The following L3HYPDH variants were observed in gnomAD, a reference collection of about 807,000 sequenced individuals.
The protein encoded by L3HYPDH is trans-3-hydroxy-L-proline dehydratase.
In L3HYPDH, 32 loss-of-function variants were observed where a neutral mutation model predicts 26.5. The observed-to-expected ratio is 1.21, with a 90% CI of 0.91 to 1.62. L3HYPDH has a LOEUF of 1.62. Among genes scored for constraint, L3HYPDH ranks in the 40% most tolerant of loss-of-function variants. The pLI is 0.00. For synonymous variants in L3HYPDH, 215 were observed against 196.6 expected (o/e 1.09, Z -0.78); for missense variants, 554 against 476.4 (o/e 1.16, Z -1.52).
Position 59,484,168 on chromosome 14 carries a change from T to C in L3HYPDH, c.149A>G (p.Lys50Arg), listed in dbSNP as rs991055053. The C allele has an allele frequency of 9.4e-6, 15 of 1,600,172 alleles. No homozygotes were observed. The highest frequency in any genetic ancestry group is 8.9e-5 in the East Asian group (4 of 44,838). The change falls in exon 1 of 5, where the codon AAG becomes AGG. Residue 50 changes from lysine (K) to arginine (R), a missense_variant. Physicochemically the swap from Lys to Arg is conservative, Grantham distance 26. Coordinates refer to ENST00000247194, the MANE Select transcript of L3HYPDH (RefSeq NM_144581.2). ...AAGGTGCTGGCGCATGTAGCGCCGC[T>C]TGGCCAGCAGGGTGGGCCCAGACAC... The part of the protein sequence containing the change: ...PEVSGPTLLA[K>R]RRYMRQHLDH...
downstream of L3HYPDH, among the ~76,000 whole-genome samples, chr14:59,467,843 G>C (rs1889231958): frequency 6.6e-6 from 1 of 152,168 alleles, no homozygotes; most frequent in South Asian, 2.1e-4. Context: ...AAACTTAAGA[G>C]TTTTCCTTGA....
At chr14:59,469,876 G>T (rs1171600455), downstream of L3HYPDH, among the ~76,000 whole-genome samples, 1 of 152,160 alleles carries the variant, frequency 6.6e-6, no homozygotes, top group East Asian at 1.9e-4. Context: ...CTACAAGAGG[G>T]AAAACCATGG....
the L3HYPDH span, among the ~76,000 whole-genome samples, chr14:59,503,128 CT>C: frequency 0.39 from 59,072 of 151,656 alleles, 12,234 homozygotes; most frequent in African/African-American, 0.52. Context: ...TTCTCTGCCC[CT>C]GTGAATCTCC....
upstream of L3HYPDH, among the ~76,000 whole-genome samples, chr14:59,488,872 A>C (rs914059781): frequency 2.0e-5 from 3 of 152,314 alleles, no homozygotes; most frequent in Admixed American, 2.0e-4. Flanking sequence ...AAAGTTGAGT[A>C]CTAAAAACAA....
upstream of L3HYPDH, chr14:59,485,917 G>GT (rs1890532480): frequency 6.6e-6 from 1 of 150,402 alleles, no homozygotes; most frequent in African/African-American, 2.5e-5. Flanking sequence ...CACCGAGCCT[G>GT]TTTGTTTGTT....
intron 4 of L3HYPDH, among the ~76,000 whole-genome samples, chr14:59,473,543 G>C (rs1237770082): frequency 6.6e-6 from 1 of 152,136 alleles, no homozygotes; most frequent in African/African-American, 2.4e-5. Flanking sequence ...TAAACACAAT[G>C]GGGAGAGAAA....
upstream of L3HYPDH, chr14:59,484,531 C>G: frequency 6.4e-7 from 1 of 1,555,774 alleles, no homozygotes; most frequent in Non-Finnish European, 8.7e-7. Flanking sequence ...CCCGGATGTT[C>G]GGTGCAGCTG....
Position 59,476,157 on chromosome 14 carries a change from T to C in L3HYPDH, c.736A>G (p.Thr246Ala). ...TTGGTATAAGCATCTTTTCCATCTG[T>C]TAATATAGTTCCATATAAAAAGGCA... ...DLAFLYGTILTDGKDAYTKEP... is the reference protein window; with the variant it reads ...DLAFLYGTILADGKDAYTKEP... The change falls in exon 3 of 5, where the codon ACA becomes GCA. Residue 246 changes from threonine to alanine, a missense_variant. Physicochemically the swap from Thr to Ala is moderately conservative, Grantham distance 58. Transcript: ENST00000247194. 6.2e-7 allele frequency: 1 copy of C among 1,613,650 alleles called. No individual in the cohort carries two copies. Among genetic ancestry groups the C allele is most frequent in the Non-Finnish European group, 8.5e-7 (1 of 1,179,612 alleles).
Position 59,483,948 on chromosome 14 carries a change from C to T in L3HYPDH, c.369G>A (p.Ala123=). ...RFALDFGLVP[A]PPAGTREARV... ...GGGCCTCGCGGGTGCCCGCAGGGGG[C>T]GCCGGCACAAGCCCGAAGTCCAAAG... The change falls in exon 1 of 5, where the codon GCG becomes GCA. Residue 123 remains alanine, a synonymous_variant. Transcript: ENST00000247194. 1 of 1,557,372 alleles carries T rather than the reference C, an allele frequency of 6.4e-7. No individual in the cohort carries two copies. Among genetic ancestry groups the T allele is most frequent in the South Asian group, 1.2e-5 (1 of 86,186 alleles).
the L3HYPDH span, among the ~76,000 whole-genome samples, chr14:59,492,988 C>T: frequency 7.9e-5 from 12 of 151,216 alleles, no homozygotes; most frequent in African/African-American, 1.7e-4. Flanking sequence ...TTAGTAGAGA[C>T]GGGGTTTCAC....
the L3HYPDH span, among the ~76,000 whole-genome samples, chr14:59,490,068 G>A: frequency 3.9e-5 from 6 of 151,912 alleles, no homozygotes; most frequent in South Asian, 2.1e-4. Context: ...GACTACAGGC[G>A]TGTACCACCA....
intron 4 of L3HYPDH, 115 bp downstream of exon 4, chr14:59,475,754 G>GCTTTAAAA (rs1327996836): frequency 8.7e-7 from 1 of 1,144,462 alleles, no homozygotes; most frequent in Non-Finnish European, 1.2e-6. Flanking sequence ...TTACAGGCCT[G>GCTTTAAAA]CTTTAAAATT....
rs772398294 is a variant in L3HYPDH, at chr14:59,484,339, T to G, written c.-23A>C. The G allele has an allele frequency of 4.5e-6, 7 of 1,563,602 alleles. No individual in the cohort carries two copies. Among genetic ancestry groups the G allele is most frequent in the Non-Finnish European group, 5.2e-6 (6 of 1,160,918 alleles). ...CATGGTCTGCGTCGGGGGAGACGAG[T>G]ACGGTCCCGCAGCTATGGCTTCAAG... On this transcript the variant is annotated 5_prime_UTR_variant, in exon 1 of 5. Transcript: ENST00000247194.
downstream of L3HYPDH, among the ~76,000 whole-genome samples, chr14:59,471,631 T>G (rs770033300): frequency 6.6e-6 from 1 of 152,208 alleles, no homozygotes; most frequent in Non-Finnish European, 1.5e-5. Context: ...CCTACCCTGA[T>G]GGCCATGGAA....
At chr14:59,500,901 A>C in the L3HYPDH span, 2 of 249,134 alleles carry the variant, frequency 8.0e-6, no homozygotes. Flanking sequence ...TAAAGTTTTT[A>C]TTGGAACACA....
the L3HYPDH span, among the ~76,000 whole-genome samples, chr14:59,496,205 C>T: frequency 5.3e-5 from 8 of 152,030 alleles, no homozygotes; most frequent in Middle Eastern, 3.4e-3. Context: ...TGTGCCCGGC[C>T]TCTCCCTGCC....
intron 4 of L3HYPDH, among the ~76,000 whole-genome samples, chr14:59,473,793 T>C (rs979056836): frequency 2.0e-5 from 3 of 152,004 alleles, no homozygotes; most frequent in Non-Finnish European, 4.4e-5. Flanking sequence ...AGCATCAAAC[T>C]GTAGAAGAGA....
At chr14:59,488,431 T>G (rs193272467), upstream of L3HYPDH, among the ~76,000 whole-genome samples, 181 of 152,228 alleles carry the variant, frequency 1.2e-3, no homozygotes, top group Admixed American at 3.0e-3. Flanking sequence ...AACAGAGAGA[T>G]AAATTATGCC....
At chr14:59,470,962 G>T (rs1436439783), downstream of L3HYPDH, among the ~76,000 whole-genome samples, 1 of 132,250 alleles carries the variant, frequency 7.6e-6, no homozygotes, top group African/African-American at 2.7e-5. Context: ...GGGCGGGGGG[G>T]GGGGGAGGGC....
Sources: gnomAD v4.1 joint callset for allele counts (sites outside exome capture counted in the v4.1 genomes callset) on GRCh38, gnomAD v4.1.1 for gene constraint, MANE v1.5 for transcripts, NCBI Gene and HGNC (gene_info 2026-07-23, HGNC 2026-07-21) for gene names.